The following TIAM1 variants were observed in gnomAD, a reference collection of about 807,000 sequenced individuals.
TIAM1 encodes TIAM Rac1 associated GEF 1.
Under a neutral mutation model 163.5 loss-of-function variants are expected in TIAM1, and 65 were observed. That is an observed-to-expected ratio of 0.40 (90% CI 0.33 to 0.49). The LOEUF (loss-of-function observed/expected upper bound fraction) is 0.49, where lower values mean the gene tolerates loss of function less well. Among genes scored for constraint, TIAM1 ranks in the 20% least tolerant of loss-of-function variants. The pLI is 0.77. For missense variants in TIAM1, 1,789 were observed against 2,044.7 expected, an observed-to-expected ratio of 0.87 and a Z score of 2.41; for synonymous variants, 833 against 810.1, an observed-to-expected ratio of 1.03 and a Z score of -0.48.
chr21:31,442,218 G>T (rs1013057406), intron 2 of TIAM1, among the ~76,000 whole-genome samples: 1 of 148,070 alleles, frequency 6.8e-6, no homozygotes, highest in Admixed American at 6.8e-5. Context: ...AAGACGTAAC[G>T]TCAGGAGTAG....
At chr21:31,178,075 C>T (rs184202140) in intron 15 of TIAM1, among the ~76,000 whole-genome samples, 1 of 152,348 alleles carries the variant, frequency 6.6e-6, no homozygotes, top group East Asian at 1.9e-4. Context: ...TCTATTTTAA[C>T]TGCAGTGGTC....
chr21:31,168,363 A>G (rs2084341129), intron 15 of TIAM1, among the ~76,000 whole-genome samples: 1 of 151,884 alleles, frequency 6.6e-6, no homozygotes, highest in African/African-American at 2.4e-5. Context: ...AAGTGCTGGG[A>G]TTAGAGGCAT....
At chr21:31,372,778 T>C (rs1239576228) in intron 2 of TIAM1, among the ~76,000 whole-genome samples, 1 of 151,632 alleles carries the variant, frequency 6.6e-6, no homozygotes, top group Non-Finnish European at 1.5e-5. Context: ...GGCAACTCAG[T>C]GGTGCGGTGG....
At chr21:31,150,563 A>G (rs1307671414) in intron 19 of TIAM1, among the ~76,000 whole-genome samples, 1 of 152,212 alleles carries the variant, frequency 6.6e-6, no homozygotes. Context: ...CCTACATTAA[A>G]CCATAACAAA....
At chr21:31,366,792 A>G (rs1314862890) in intron 2 of TIAM1, among the ~76,000 whole-genome samples, 2 of 151,954 alleles carry the variant, frequency 1.3e-5, no homozygotes, top group African/African-American at 4.8e-5. Context: ...CAATTTTTCT[A>G]TTTTTAACGG....
Position 31,120,705 on chromosome 21 carries a change from G to A in TIAM1, c.4439C>T (p.Thr1480Ile), listed in dbSNP as rs1270448081. Residue 1480 changes from threonine (T) to isoleucine (I), a missense_variant, in exon 28 of 28, where the codon ACT (threonine) becomes ATT (isoleucine). This residue lies in a region of TIAM1 where 415 missense variants were observed against 439.2 expected (regional missense o/e 0.94). Transcript: ENST00000541036. This position sits in a 1 kb window ranked among gnomAD's most constrained non-coding sequence, Gnocchi z 4.2. ...ESQQPPGGGD[T>I]DRWVEEQFDL... ...AAACTGCTCCTCTACCCATCGGTCA[G>A]TGTCCCCACCACCGGGGGGCTGCTG... The A allele has an allele frequency of 1.2e-6, 2 of 1,614,006 alleles. No homozygotes were observed.
chr21:31,554,460 T>C (rs555957056), intron 1 of TIAM1, among the ~76,000 whole-genome samples: 1 of 152,270 alleles, frequency 6.6e-6, no homozygotes, highest in Non-Finnish European at 1.5e-5. Flanking sequence ...ATATTATACT[T>C]CAGTTTTGCT....
chr21:31,149,247 G>C (rs1433428800), intron 19 of TIAM1, among the ~76,000 whole-genome samples: 1 of 152,180 alleles, frequency 6.6e-6, no homozygotes, highest in African/African-American at 2.4e-5. Context: ...TGGTATCCTT[G>C]ATCCAAAATA....
chr21:31,127,387 T>TA (rs975187665), intron 25 of TIAM1, among the ~76,000 whole-genome samples: 8 of 151,728 alleles, frequency 5.3e-5, no homozygotes, highest in Admixed American at 5.3e-4. Context: ...CTAGATGGTC[T>TA]AAAAGGTCAA....
At chr21:31,182,271 C>G (rs2085066666) in intron 15 of TIAM1, 150 bp downstream of exon 15, 1 of 579,620 alleles carries the variant, frequency 1.7e-6, no homozygotes. Flanking sequence ...ACAGGAAATG[C>G]AGGGCCAGTC....
intron 2 of TIAM1, among the ~76,000 whole-genome samples, chr21:31,320,622 C>T (rs976403586): frequency 2.0e-5 from 3 of 152,158 alleles, no homozygotes; most frequent in Non-Finnish European, 4.4e-5. Flanking sequence ...AGGTCAACCC[C>T]AGCTGCACAC....
At position 31,386,896 on chromosome 21, in the gene TIAM1, G is replaced by T. The variant is rs369396502; in HGVS notation, c.-368-47474C>A. On this transcript the variant is annotated intron_variant, in intron 2 of 28. Coordinates refer to the TIAM1 transcript ENST00000286827. Reference sequence around the variant, plus strand: ...GGATGCTGGGAGCTTATTTGCCTGCGGAAGGTCCTTGGTTTCTGCCTTGGT... The same window carrying T: ...GGATGCTGGGAGCTTATTTGCCTGCTGAAGGTCCTTGGTTTCTGCCTTGGT... Among the ~76,000 whole-genome samples the T allele has an allele frequency of 7.9e-5, 12 of 152,290 alleles. No homozygotes were observed. In the South Asian group the frequency reaches 1.7e-3, roughly 21 times the overall value.
At chr21:31,154,061 T>TA (rs1485627536) in intron 17 of TIAM1, among the ~76,000 whole-genome samples, 186 bp downstream of exon 17, 6 of 149,466 alleles carry the variant, frequency 4.0e-5, no homozygotes, top group East Asian at 1.9e-4. Flanking sequence ...GAGACTATCT[T>TA]AAAAAAACAA....
intron 15 of TIAM1, among the ~76,000 whole-genome samples, chr21:31,170,812 C>T (rs1014196337): frequency 2.0e-5 from 3 of 151,680 alleles, no homozygotes; most frequent in Non-Finnish European, 2.9e-5. Context: ...CAGAGGCAGG[C>T]GGATCATGAG....
chr21:31,372,043 T>C (rs902653292), intron 2 of TIAM1, among the ~76,000 whole-genome samples: 2 of 152,290 alleles, frequency 1.3e-5, no homozygotes, highest in Admixed American at 1.3e-4. Context: ...AAAGCAACCC[T>C]GAGGCAATAT....
intron 1 of TIAM1, among the ~76,000 whole-genome samples, chr21:31,534,771 T>C (rs2048074848): frequency 6.6e-6 from 1 of 152,272 alleles, no homozygotes; most frequent in East Asian, 1.9e-4. Flanking sequence ...CCCAAAATCC[T>C]AAAAGAGTAA....
At chr21:31,519,061 C>T (rs1052657077) in intron 1 of TIAM1, among the ~76,000 whole-genome samples, 2 of 152,108 alleles carry the variant, frequency 1.3e-5, no homozygotes, top group Non-Finnish European at 2.9e-5. Flanking sequence ...GTAATCCCAG[C>T]ACTTTGGGAG....
At chr21:31,527,276 C>A (rs1202612507) in intron 1 of TIAM1, among the ~76,000 whole-genome samples, 1 of 152,074 alleles carries the variant, frequency 6.6e-6, no homozygotes, top group Non-Finnish European at 1.5e-5. Context: ...GACACACAAG[C>A]ATTTTCTAAA....
intron 1 of TIAM1, among the ~76,000 whole-genome samples, chr21:31,502,811 A>G (rs572730202): frequency 6.6e-6 from 1 of 152,348 alleles, no homozygotes; most frequent in South Asian, 2.1e-4. Flanking sequence ...TTTGGTTGCC[A>G]GCCATTTCTC....
Sources: allele counts gnomAD v4.1 joint callset (sites outside exome capture counted in the v4.1 genomes callset), GRCh38; gene constraint gnomAD v4.1.1; regional missense constraint gnomAD v4.1.1; non-coding constraint Gnocchi (gnomAD v3.1); transcripts MANE v1.5; gene names NCBI Gene and HGNC (gene_info 2026-07-23, HGNC 2026-07-21).